The following ABCC4 variants were observed in gnomAD, a reference collection of about 807,000 sequenced individuals.
ABCC4 encodes the protein ATP binding cassette subfamily C member 4 (PEL blood group).
Under a neutral mutation model 168.5 loss-of-function variants are expected in ABCC4, and 102 were observed. The observed-to-expected ratio is 0.61, with a 90% CI of 0.52 to 0.71. The LOEUF is 0.71. Ranked by LOEUF, ABCC4 falls within the 30% of genes least tolerant of loss-of-function variation. The pLI is 0.00. For synonymous variants in ABCC4, 617 were observed against 590.7 expected (o/e 1.04, Z -0.65); for missense variants, 1,402 against 1,605.8 (o/e 0.87, Z 2.17).
chr13:95,207,174 T>C (rs2038807032), intron 7 of ABCC4, among the ~76,000 whole-genome samples: 1 of 152,218 alleles, frequency 6.6e-6, no homozygotes, highest in African/African-American at 2.4e-5. Flanking sequence ...ATTACAGGCA[T>C]GTGCCACCAC....
At chr13:95,027,167 G>T (rs146835092) in intron 30 of ABCC4, among the ~76,000 whole-genome samples, 1 of 152,240 alleles carries the variant, frequency 6.6e-6, no homozygotes, top group East Asian at 1.9e-4. Context: ...AATCAGAGGG[G>T]TAACAAAGAT....
intron 5 of ABCC4, among the ~76,000 whole-genome samples, chr13:95,209,815 C>T (rs959930150): frequency 1.3e-5 from 2 of 152,200 alleles, no homozygotes; most frequent in African/African-American, 4.8e-5. Context: ...CAAGAGAATC[C>T]GACCAGCGGC....
In ABCC4 at chr13:95,218,855, GA is replaced by G. The variant is rs1357998724; in HGVS notation, c.532-8075del. ...AACAGAGCAAAACCAAGAAAGAAAA[GA>G]AAAAAAAAGAAAAGAAAAGAAAAGA... On this transcript the variant is annotated intron_variant, in intron 4 of 30. Coordinates refer to ENST00000645237, the MANE Select transcript of ABCC4 (RefSeq NM_005845.5). Among the ~76,000 whole-genome samples the G allele has an allele frequency of 1.8e-3, 201 of 114,666 alleles. 2 individuals are homozygous for G. Among genetic ancestry groups the G allele is most frequent in the African/African-American group, 6.1e-3 (192 of 31,688 alleles). 75.2% of individuals were successfully genotyped at this position (114,666 alleles called of 152,430 possible). A position where few individuals can be genotyped will look rare whatever the true frequency, so the allele number is the denominator to read the frequency against.
intron 1 of ABCC4, among the ~76,000 whole-genome samples, chr13:95,296,212 A>G (rs1446078556): frequency 6.6e-6 from 1 of 151,202 alleles, no homozygotes; most frequent in African/African-American, 2.4e-5. Flanking sequence ...GGCCAGGAAT[A>G]GTGGCTCATT....
chr13:95,268,834 C>T (rs1345127194), intron 1 of ABCC4, among the ~76,000 whole-genome samples: 2 of 152,054 alleles, frequency 1.3e-5, no homozygotes, highest in Admixed American at 6.5e-5. Context: ...ACTCAGAGAC[C>T]GGTGCCTGGG....
At chr13:95,280,416 C>CAAAAAAA (rs10708482) in intron 1 of ABCC4, among the ~76,000 whole-genome samples, 1 of 90,484 alleles carries the variant, frequency 1.1e-5, no homozygotes, top group Non-Finnish European at 2.2e-5. Context: ...GACTCCATCT[C>CAAAAAAA]AAAAAAAAAA....
intron 21 of ABCC4, among the ~76,000 whole-genome samples, chr13:95,076,179 T>C (rs1375069797): frequency 6.6e-6 from 1 of 152,182 alleles, no homozygotes; most frequent in East Asian, 1.9e-4. Context: ...TGGACCTGGG[T>C]GCTGCAATGC....
chr13:95,072,173 T>A (rs2139308657), intron 24 of ABCC4, among the ~76,000 whole-genome samples: 1 of 152,276 alleles, frequency 6.6e-6, no homozygotes, highest in African/African-American at 2.4e-5. Flanking sequence ...TCAAGAATCT[T>A]TTGCTGGCTG....
At chr13:95,197,024 G>C (rs577892321) in intron 8 of ABCC4, among the ~76,000 whole-genome samples, 2 of 152,182 alleles carry the variant, frequency 1.3e-5, no homozygotes, top group Non-Finnish European at 2.9e-5. Flanking sequence ...CCCTGTCTTT[G>C]AGGGCCCACC....
intron 9 of ABCC4, among the ~76,000 whole-genome samples, 200 bp from the exon 10 acceptor site, chr13:95,188,742 T>G (rs1198148966): frequency 6.6e-6 from 1 of 152,166 alleles, no homozygotes; most frequent in East Asian, 1.9e-4. Context: ...GTTTGGAGTC[T>G]TCAGTACTTA....
At chr13:95,218,927 GAGAAAGAAAGAAAGAAAGAAAGAAAGAA>G (rs71111597) in intron 4 of ABCC4, among the ~76,000 whole-genome samples, 1 of 42,438 alleles carries the variant, frequency 2.4e-5, no homozygotes, top group Admixed American at 2.3e-4. Flanking sequence ...GAGAAAGAAA[GAGAAAGAAAGAAAGAAAGAAAGAAAGAA>G]AGAAAGAAAG....
intron 1 of ABCC4, among the ~76,000 whole-genome samples, chr13:95,267,891 A>C (rs1328196226): frequency 6.6e-6 from 1 of 152,134 alleles, no homozygotes; most frequent in Non-Finnish European, 1.5e-5. Context: ...CTGGAGACTG[A>C]GATCAATCCC....
Position 95,278,162 on chromosome 13 carries a change from G to A in ABCC4, c.74+23079C>T, listed in dbSNP as rs535088875. 1.0e-3 allele frequency among the ~76,000 whole-genome samples: 152 copies of A among 152,214 alleles called. 1 individual carries two copies. The highest frequency in any genetic ancestry group is 3.6e-3 in the African/African-American group (150 of 41,540). ...GTCTGCTCAAGTGGAGATGCTACCAGGTTTTTACCAATCATTACTTTGGAT... is the reference window on the plus strand; with the variant it reads ...GTCTGCTCAAGTGGAGATGCTACCAAGTTTTTACCAATCATTACTTTGGAT... On this transcript the variant is annotated intron_variant, in intron 1 of 30. Transcript: ENST00000645237.
At chr13:95,160,542 T>C (rs1443669239) in intron 19 of ABCC4, among the ~76,000 whole-genome samples, 1 of 152,214 alleles carries the variant, frequency 6.6e-6, no homozygotes, top group Non-Finnish European at 1.5e-5. Flanking sequence ...AAGATCTATA[T>C]GGCAGGTTCA....
rs71113905 is a variant in ABCC4, at chr13:95,278,806, GAAAAAAAAAAA to G, written c.74+22424_74+22434del. Among the ~76,000 whole-genome samples, 24 of 34,360 alleles carry G rather than the reference GAAAAAAAAAAA, an allele frequency of 7.0e-4. 1 individual carries two copies. The highest frequency in any genetic ancestry group is 6.9e-3 in the East Asian group (6 of 866). 22.5% of individuals were successfully genotyped at this position (34,360 alleles called of 152,430 possible). A position where few individuals can be genotyped will look rare whatever the true frequency, so the allele number is the denominator to read the frequency against. Reference sequence around the variant, plus strand: ...AGAGACAGAGCAAGACCCTGTCTCGGAAAAAAAAAAAAAAAAAAAAAAAAAAACACAGACTG... The same window carrying G: ...AGAGACAGAGCAAGACCCTGTCTCGGAAAAAAAAAAAAAAAACACAGACTG... On this transcript the variant is annotated intron_variant, in intron 1 of 30. Transcript: ENST00000645237.
intron 4 of ABCC4, among the ~76,000 whole-genome samples, chr13:95,219,005 G>A (rs1315583236): frequency 1.5e-5 from 2 of 137,336 alleles, no homozygotes; most frequent in Admixed American, 7.4e-5. Flanking sequence ...GAAAGAAAGA[G>A]TGAGAAAGAA....
At chr13:95,062,622 TA>T (rs1471009007) in intron 26 of ABCC4, 81 bp downstream of exon 26, 11 of 1,306,730 alleles carry the variant, frequency 8.4e-6, no homozygotes, top group South Asian at 3.1e-5. Context: ...TTCATCCAAT[TA>T]AAAAAAGCAA....
At chr13:95,080,700 C>T (rs7987858) in intron 21 of ABCC4, among the ~76,000 whole-genome samples, 128,207 of 152,154 alleles carry the variant, frequency 0.84, 55,782 homozygotes, top group Non-Finnish European at 0.95. Flanking sequence ...CTCGAACTCT[C>T]GACCTCAAGT....
chr13:95,151,952 T>C (rs901035892), intron 19 of ABCC4, among the ~76,000 whole-genome samples: 1 of 152,192 alleles, frequency 6.6e-6, no homozygotes, highest in Non-Finnish European at 1.5e-5. Context: ...AATGGATTAA[T>C]TCCTCTCTTT....
Sources: gnomAD v4.1 joint callset for allele counts (sites outside exome capture counted in the v4.1 genomes callset) on GRCh38, gnomAD v4.1.1 for gene constraint, MANE v1.5 for transcripts, NCBI Gene and HGNC (gene_info 2026-07-23, HGNC 2026-07-21) for gene names.